Variants in SLC4A10 observed in about 807,000 individuals in gnomAD.
SLC4A10 encodes solute carrier family 4 member 10, also known as sodium-driven chloride bicarbonate exchanger.
Under a neutral mutation model 137.7 loss-of-function variants are expected in SLC4A10, and 42 were observed. The ratio of observed to expected loss-of-function variants is 0.30; its 90% CI spans 0.24 to 0.39. The LOEUF (loss-of-function observed/expected upper bound fraction) is 0.39. Ranked by LOEUF, SLC4A10 falls within the 10% of genes least tolerant of loss-of-function variation. The pLI, the probability that SLC4A10 is intolerant of heterozygous loss-of-function variation, is 1.00. For missense variants in SLC4A10, 925 were observed against 1,355.0 expected, an observed-to-expected ratio of 0.68 and a Z score of 4.98; for synonymous variants, 474 against 464.1, an observed-to-expected ratio of 1.02 and a Z score of -0.27.
intron 15 of SLC4A10, among the ~76,000 whole-genome samples, chr2:161,924,238 C>T (rs535804595): frequency 1.3e-5 from 2 of 152,070 alleles, no homozygotes; most frequent in Admixed American, 6.6e-5. Context: ...CAGAGGAAGA[C>T]AGGAAAATGG....
At position 161,718,229 on chromosome 2, in the gene SLC4A10, T is replaced by C. The variant is rs780500424; in HGVS notation, c.49-52744T>C. Among the ~76,000 whole-genome samples the C allele has an allele frequency of 1.1e-4, 16 of 152,132 alleles. 1 individual carries two copies. Among genetic ancestry groups the C allele is most frequent in the Non-Finnish European group, 4.4e-5 (3 of 68,002 alleles). On this transcript the variant is annotated intron_variant, in intron 1 of 26. Transcript: ENST00000446997. ...CTAGTGGTCTAGCTATTTTATTAAT[T>C]TTTTAAAAAAATCACCTCCTGGATT... is the stretch of plus-strand genomic sequence containing the variant.
chr2:161,818,077 G>A (rs1575112377), intron 3 of SLC4A10, among the ~76,000 whole-genome samples: 1 of 152,066 alleles, frequency 6.6e-6, no homozygotes, highest in East Asian at 1.9e-4. Context: ...GGGCAATATG[G>A]CCATTTTCAT....
In SLC4A10 at chr2:161,904,845, C is replaced by G; in HGVS notation, c.1687C>G (p.Leu563Val). Reference sequence around the variant, plus strand: ...CTATTCTCTCTTTGGTGGACAGCCTCTTACCATATTAGGCAGTACAGGACC... The same window carrying G: ...CTATTCTCTCTTTGGTGGACAGCCTGTTACCATATTAGGCAGTACAGGACC... ...IAYSLFGGQP[L>V]TILGSTGPVL... The change falls in exon 14 of 27, where the codon CTT becomes GTT. Residue 563 changes from leucine to valine, a missense_variant. Physicochemically the swap from Leu to Val is conservative, Grantham distance 32. This residue lies in a region of SLC4A10 where 61 missense variants were observed against 168.0 expected (regional missense o/e 0.36). Coordinates refer to ENST00000446997, the MANE Select transcript of SLC4A10 (RefSeq NM_001178015.2). 1 of 1,613,934 alleles carries G rather than the reference C, an allele frequency of 6.2e-7. No homozygotes were observed. Among genetic ancestry groups the G allele is most frequent in the Non-Finnish European group, 8.5e-7 (1 of 1,179,842 alleles).
At chr2:161,961,508 A>G (rs1696706966) in intron 21 of SLC4A10, among the ~76,000 whole-genome samples, 1 of 151,664 alleles carries the variant, frequency 6.6e-6, no homozygotes, top group African/African-American at 2.4e-5. Flanking sequence ...ATTAGGGAAG[A>G]ATATGGAAGA....
rs544535141 is a variant in SLC4A10, at chr2:161,716,142, A to C, written c.49-54831A>C. On this transcript the variant is annotated intron_variant, in intron 1 of 26. Transcript: ENST00000446997. Reference sequence around the variant, plus strand: ...GCTGCTTATATATCTTCTTTTGAGAAGTGTCTGTTCATGTCCTTTGCCCAC... The same window carrying C: ...GCTGCTTATATATCTTCTTTTGAGACGTGTCTGTTCATGTCCTTTGCCCAC... Among the ~76,000 whole-genome samples, 7 of 150,280 alleles carry C rather than the reference A, an allele frequency of 4.7e-5. No individual in the cohort carries two copies. The East Asian group carries it at 5.9e-4, about 13-fold the overall frequency.
intron 1 of SLC4A10, among the ~76,000 whole-genome samples, chr2:161,742,530 T>C (rs1035046967): frequency 2.1e-5 from 3 of 143,714 alleles, no homozygotes; most frequent in Admixed American, 7.0e-5. Context: ...AACCTCTGCC[T>C]CCTGAGTTCA....
chr2:161,648,902 T>C (rs1366129092), intron 1 of SLC4A10, among the ~76,000 whole-genome samples: 1 of 152,198 alleles, frequency 6.6e-6, no homozygotes, highest in Non-Finnish European at 1.5e-5. Context: ...TTTCCTTTTA[T>C]AAGTAATACC....
intron 1 of SLC4A10, among the ~76,000 whole-genome samples, chr2:161,697,786 C>T (rs190548876): frequency 0.011 from 1,606 of 152,220 alleles, 11 homozygotes; most frequent in Non-Finnish European, 0.017. Context: ...CTTGGTGATG[C>T]GGACTCTTTT....
At chr2:161,764,001 C>T (rs933254116) in intron 1 of SLC4A10, among the ~76,000 whole-genome samples, 7 of 152,058 alleles carry the variant, frequency 4.6e-5, no homozygotes, top group African/African-American at 1.4e-4. Context: ...AATCCCACTT[C>T]TAGGAATCTA....
chr2:161,886,668 AT>A (rs973744988), intron 10 of SLC4A10, among the ~76,000 whole-genome samples: 21 of 151,970 alleles, frequency 1.4e-4, no homozygotes, highest in African/African-American at 3.9e-4. Context: ...AGTCTCTGAG[AT>A]TTTTTTTAAT....
At chr2:161,940,789 G>T (rs185443003) in intron 15 of SLC4A10, among the ~76,000 whole-genome samples, 1 of 152,104 alleles carries the variant, frequency 6.6e-6, no homozygotes, top group Admixed American at 6.6e-5. Flanking sequence ...AGCCCTCCTG[G>T]GTCAGAACAA....
At chr2:161,693,602 C>A (rs1300676422) in intron 1 of SLC4A10, among the ~76,000 whole-genome samples, 1 of 150,540 alleles carries the variant, frequency 6.6e-6, no homozygotes, top group African/African-American at 2.4e-5. Flanking sequence ...TGACCAACAT[C>A]TCCTCATTTT....
intron 9 of SLC4A10, among the ~76,000 whole-genome samples, chr2:161,881,748 G>A (rs1464844914): frequency 6.6e-6 from 1 of 151,980 alleles, no homozygotes; most frequent in African/African-American, 2.4e-5. Context: ...TTTGCCAAAT[G>A]TTCGACCTAA....
intron 3 of SLC4A10, among the ~76,000 whole-genome samples, chr2:161,820,083 CAT>C (rs3081064): frequency 0.022 from 3,356 of 152,200 alleles, 125 homozygotes; most frequent in African/African-American, 0.075. Context: ...CTATTAAACA[CAT>C]GTTTAAAATA....
chr2:161,898,503 C>T (rs538616007), intron 11 of SLC4A10, among the ~76,000 whole-genome samples: 8 of 152,130 alleles, frequency 5.3e-5, no homozygotes, highest in African/African-American at 9.6e-5. Context: ...ACATTCTGAC[C>T]TCATACTCTT....
intron 1 of SLC4A10, among the ~76,000 whole-genome samples, chr2:161,653,425 A>G (rs1193285991): frequency 6.6e-6 from 1 of 152,176 alleles, no homozygotes; most frequent in East Asian, 1.9e-4. Flanking sequence ...GAATCACCAC[A>G]CTGTCTTCCA....
intron 1 of SLC4A10, among the ~76,000 whole-genome samples, chr2:161,756,002 C>G (rs1315242079): frequency 6.6e-6 from 1 of 151,950 alleles, no homozygotes; most frequent in Non-Finnish European, 1.5e-5. Context: ...AACTCCTGAC[C>G]TTGTGATCCA....
At chr2:161,845,949 C>T (rs964025208) in intron 4 of SLC4A10, among the ~76,000 whole-genome samples, 6 of 151,876 alleles carry the variant, frequency 4.0e-5, no homozygotes, top group Admixed American at 1.3e-4. Context: ...ACACCAAAAG[C>T]GCAATTCGTA....
intron 1 of SLC4A10, among the ~76,000 whole-genome samples, chr2:161,694,883 A>C (rs984332899): frequency 6.6e-6 from 1 of 152,020 alleles, no homozygotes; most frequent in Admixed American, 6.6e-5. Context: ...ATTATTTCAA[A>C]AATCTTAGTA....
Sources: gnomAD v4.1 joint callset for allele counts (sites outside exome capture counted in the v4.1 genomes callset) on GRCh38, gnomAD v4.1.1 for gene constraint, gnomAD v4.1.1 regional missense constraint, MANE v1.5 for transcripts, NCBI Gene and HGNC (gene_info 2026-07-23, HGNC 2026-07-21) for gene names.